The following CCN6 variants were observed in gnomAD, a reference collection of about 807,000 sequenced individuals.
CCN6 encodes CCN family member 6.
A neutral mutation model predicts 37.4 loss-of-function variants in CCN6; 31 were observed. The observed-to-expected ratio is 0.83, with a 90% CI of 0.62 to 1.12. The LOEUF (loss-of-function observed/expected upper bound fraction) is 1.12. Ranked by LOEUF, CCN6 falls within the 50% of genes most tolerant of loss-of-function variation. The pLI, the probability that CCN6 is intolerant of heterozygous loss-of-function variation, is 0.00. For synonymous variants in CCN6, 137 were observed against 142.1 expected, an observed-to-expected ratio of 0.96 and a Z score of 0.26; for missense variants, 369 against 413.8, an observed-to-expected ratio of 0.89 and a Z score of 0.94.
chr6:112,053,554 G>T (rs1776262728), upstream of CCN6, among the ~76,000 whole-genome samples: 1 of 151,578 alleles, frequency 6.6e-6, no homozygotes, highest in Non-Finnish European at 1.5e-5. Context: ...ATGAATGATT[G>T]CTACCAGTGT....
chr6:112,053,322 T>A (rs1450598316), upstream of CCN6, among the ~76,000 whole-genome samples: 2 of 151,166 alleles, frequency 1.3e-5, no homozygotes, highest in Non-Finnish European at 3.0e-5. Context: ...TTGAGAATAA[T>A]TCTCACTCTT....
At chr6:112,060,096 A>G in intron 1 of CCN6, 1 of 1,361,382 alleles carries the variant, frequency 7.3e-7, no homozygotes, top group Non-Finnish European at 9.8e-7. Context: ...CAAGGGGGTG[A>G]GTGGCAGTGG....
At chr6:112,058,517 T>G (rs371330848) in intron 1 of CCN6, among the ~76,000 whole-genome samples, 81 of 152,302 alleles carry the variant, frequency 5.3e-4, no homozygotes, top group African/African-American at 1.7e-3. Context: ...TTACGGCTAG[T>G]GGAAGAGATA....
chr6:112,068,165 T>G, intron 3 of CCN6, 40 bp from the exon 4 acceptor site: 1 of 1,450,752 alleles, frequency 6.9e-7, no homozygotes, highest in Non-Finnish European at 9.4e-7. Context: ...TACAAGTACA[T>G]TTATATGTAT....
Position 112,068,189 on chromosome 6 carries a change from T to C in CCN6, c.590-16T>C. The C allele has an allele frequency of 6.3e-7, 1 of 1,599,390 alleles. No individual in the cohort carries two copies. The highest frequency in any genetic ancestry group is 8.5e-7 in the Non-Finnish European group (1 of 1,172,128). On this transcript the variant is annotated splice_polypyrimidine_tract_variant and intron_variant, in intron 3 of 4. Transcript: ENST00000368666. ...ATTTATATGTATACATATGTACTTT[T>C]CTCCCTTTGTTTTAGCTTATAGAAA...
At chr6:112,053,836 C>A (rs1445661172), upstream of CCN6, among the ~76,000 whole-genome samples, 2 of 140,528 alleles carry the variant, frequency 1.4e-5, no homozygotes, top group Non-Finnish European at 3.1e-5. Flanking sequence ...GGGGGAAAGC[C>A]AGGGCTAGGC....
intron 2 of CCN6, 195 bp downstream of exon 2, chr6:112,061,483 G>A (rs1384682925): frequency 3.0e-6 from 2 of 670,314 alleles, no homozygotes; most frequent in Non-Finnish European, 5.1e-6. Context: ...ACATTCAGAA[G>A]CCCATTATTT....
At chr6:112,065,628 A>ATG (rs1776671722) in intron 3 of CCN6, among the ~76,000 whole-genome samples, 4 of 139,230 alleles carry the variant, frequency 2.9e-5, no homozygotes, top group Non-Finnish European at 4.9e-5. Flanking sequence ...ACACGCACGC[A>ATG]CACACACACA....
chr6:112,054,475 TA>T, intron 1 of CCN6, 70 bp downstream of exon 1: 1 of 1,451,670 alleles, frequency 6.9e-7, no homozygotes. Flanking sequence ...GGCCCAAAAC[TA>T]AACAAAACGA....
rs1562595259 is a variant in CCN6 at position 112,061,073 on chromosome 6, GT to G, written c.132del (p.Lys45AsnfsTer21). On this transcript the variant is annotated frameshift_variant, in exon 2 of 5. Transcript: ENST00000368666. LOFTEE classifies it high-confidence loss of function. ...RPGEVSDAPQ[R>X]KQFCHWPCKC... ...GGAGAAGTGTCAGATGCACCTCAGC[GT>G]AAACAGTTTTGTCACTGGCCCTGCA... 1 of 1,614,050 alleles carries G rather than the reference GT, an allele frequency of 6.2e-7. No individual in the cohort carries two copies. The highest frequency in any genetic ancestry group is 8.5e-7 in the Non-Finnish European group (1 of 1,180,032).
rs782553475 is a variant in CCN6 at position 112,068,427 on chromosome 6, C to A, written c.783+29C>A. 3 of 1,560,506 alleles carry A rather than the reference C, an allele frequency of 1.9e-6. No individual in the cohort carries two copies. In the Admixed American group the frequency reaches 5.2e-5, roughly 27 times the overall value. ...AAGTTTAAATATATTTAACTTAATT[C>A]AATATTAAGAGATTCCTGAAAAGTA... On this transcript the variant is annotated intron_variant, in intron 4 of 4. Transcript: ENST00000368666.
intron 1 of CCN6, among the ~76,000 whole-genome samples, chr6:112,056,236 C>G (rs1158308102): frequency 6.6e-6 from 1 of 152,114 alleles, no homozygotes. Flanking sequence ...ACCGAAGATC[C>G]TCCTTTAGTA....
At chr6:112,064,658 A>G in intron 2 of CCN6, 97 bp from the exon 3 acceptor site, 36 of 1,573,810 alleles carry the variant, frequency 2.3e-5, no homozygotes, top group Non-Finnish European at 3.1e-5. Flanking sequence ...TATACTTCAT[A>G]CAGGAGATGA....
intron 1 of CCN6, among the ~76,000 whole-genome samples, chr6:112,055,168 G>A (rs1321177138): frequency 2.0e-5 from 3 of 152,328 alleles, no homozygotes; most frequent in African/African-American, 7.2e-5. Context: ...GGGGCCATAA[G>A]TAGTAGATAC....
chr6:112,060,884 T>C, intron 1 of CCN6, 107 bp from the exon 2 acceptor site: 1 of 1,312,048 alleles, frequency 7.6e-7, no homozygotes, highest in East Asian at 2.4e-5. Context: ...TTATAATGAT[T>C]GTAACTCACC....
chr6:112,061,332 A>T (rs1554312842), intron 2 of CCN6, 44 bp downstream of exon 2: 1 of 1,613,704 alleles, frequency 6.2e-7, no homozygotes, highest in Middle Eastern at 1.7e-4. Flanking sequence ...TTGAGTCTAG[A>T]CAGAATTTTT....
chr6:112,068,664 CAG>C (rs1401088115), intron 4 of CCN6, among the ~76,000 whole-genome samples: 4 of 152,006 alleles, frequency 2.6e-5, no homozygotes, highest in African/African-American at 9.7e-5. Flanking sequence ...ATTATGAAAA[CAG>C]ATATTATGAA....
chr6:112,067,053 CCT>C (rs782374193), intron 3 of CCN6: 1 of 1,364,920 alleles, frequency 7.3e-7, no homozygotes. Context: ...GTTTCTGCTT[CCT>C]CTCCTCAGTT....
intron 1 of CCN6, among the ~76,000 whole-genome samples, chr6:112,060,669 A>T (rs587677587): frequency 6.6e-6 from 1 of 152,078 alleles, no homozygotes; most frequent in East Asian, 1.9e-4. Context: ...GTGAGGGAAG[A>T]TACTTTAGAG....
Sources: gnomAD v4.1 joint callset for allele counts (sites outside exome capture counted in the v4.1 genomes callset) on GRCh38, gnomAD v4.1.1 for gene constraint, MANE v1.5 for transcripts, NCBI Gene and HGNC (gene_info 2026-07-23, HGNC 2026-07-21) for gene names.